Variants in MRM1 observed in about 807,000 individuals in gnomAD.
MRM1 encodes rRNA methyltransferase 1, mitochondrial.
A neutral mutation model predicts 25.0 loss-of-function variants in MRM1; 24 were observed. The observed-to-expected ratio is 0.96, with a 90% CI of 0.69 to 1.35. The LOEUF (loss-of-function observed/expected upper bound fraction) is 1.35. Among genes scored for constraint, MRM1 ranks in the 40% most tolerant of loss-of-function variants. The pLI is 0.00. For synonymous variants in MRM1, 188 were observed against 199.2 expected (o/e 0.94, Z 0.47); for missense variants, 431 against 464.1 (o/e 0.93, Z 0.65).
the MRM1 span, among the ~76,000 whole-genome samples, chr17:36,631,810 A>G: frequency 6.6e-6 from 1 of 152,152 alleles, no homozygotes; most frequent in Non-Finnish European, 1.5e-5. Flanking sequence ...GAAGAAATAA[A>G]TCTTTCTCAG....
the MRM1 span, among the ~76,000 whole-genome samples, chr17:36,630,383 G>A: frequency 6.6e-6 from 1 of 152,156 alleles, no homozygotes; most frequent in South Asian, 2.1e-4. Context: ...TGCATGCCTT[G>A]GAGCTGGGCC....
At chr17:36,619,646 C>T in the MRM1 span, among the ~76,000 whole-genome samples, 3 of 150,500 alleles carry the variant, frequency 2.0e-5, no homozygotes, top group Non-Finnish European at 4.4e-5. Context: ...CTAGCCTGGG[C>T]GACAGAGTGA....
downstream of MRM1, among the ~76,000 whole-genome samples, chr17:36,613,225 TAGAC>T (rs1443912578): frequency 2.0e-5 from 3 of 151,884 alleles, no homozygotes; most frequent in African/African-American, 7.3e-5. Flanking sequence ...GGTCCTGAAT[TAGAC>T]AGCACACCTC....
the MRM1 span, among the ~76,000 whole-genome samples, chr17:36,632,942 G>A: frequency 6.6e-6 from 1 of 152,216 alleles, no homozygotes; most frequent in Non-Finnish European, 1.5e-5. Context: ...TGAATAGGCT[G>A]CTTTCCTAGA....
chr17:36,601,977 C>T lies in MRM1; in HGVS notation c.167C>T (p.Thr56Ile). The T allele has an allele frequency of 6.2e-7, 1 of 1,612,322 alleles. No individual in the cohort carries two copies. Among genetic ancestry groups the T allele is most frequent in the Non-Finnish European group, 8.5e-7 (1 of 1,179,670 alleles). Reference sequence around the variant, plus strand: ...CGGCTGGAGCTTCTGTTTGGCATGACCCCGTGTCTCCTGGCTCTGCAGGCC... The same window carrying T: ...CGGCTGGAGCTTCTGTTTGGCATGATCCCGTGTCTCCTGGCTCTGCAGGCC... The part of the protein sequence containing the change: ...TSRLELLFGM[T>I]PCLLALQAAR... The change falls in exon 1 of 5, where the codon ACC becomes ATC. Residue 56 changes from threonine (T) to isoleucine (I), a missense_variant. By Grantham distance (89) the Thr-to-Ile change is moderately conservative. Coordinates refer to ENST00000614766, the MANE Select transcript of MRM1 (RefSeq NM_024864.5).
the MRM1 span, among the ~76,000 whole-genome samples, chr17:36,621,829 G>A: frequency 6.6e-6 from 1 of 152,096 alleles, no homozygotes; most frequent in African/African-American, 2.4e-5. Flanking sequence ...ACTGATTTCT[G>A]GGGAGGGAGT....
At chr17:36,616,843 C>A in the MRM1 span, among the ~76,000 whole-genome samples, 9 of 152,154 alleles carry the variant, frequency 5.9e-5, no homozygotes, top group Non-Finnish European at 1.3e-4. Context: ...GATCCTCCCA[C>A]CTCAGCCTCC....
chr17:36,607,674 A>C lies in MRM1; in HGVS notation c.641A>C (p.Lys214Thr), dbSNP rs1330891054. The C allele has an allele frequency of 5.6e-6, 9 of 1,611,976 alleles. No homozygotes were observed. Among genetic ancestry groups the C allele is most frequent in the Middle Eastern group, 1.6e-4 (1 of 6,068 alleles). ...TDDLTGFLQT[K>T]AQQGWLVAGT... ...ATATCTTCTTCCCCCTTTCAGACCA[A>C]AGCCCAGCAGGGCTGGCTCGTGGCC... Residue 214 changes from lysine to threonine, a missense_variant, in exon 3 of 5, where the codon AAA (lysine) becomes ACA (threonine). Coordinates refer to ENST00000614766, the MANE Select transcript of MRM1 (RefSeq NM_024864.5).
At chr17:36,633,623 G>A in the MRM1 span, among the ~76,000 whole-genome samples, 1 of 151,216 alleles carries the variant, frequency 6.6e-6, no homozygotes, top group Non-Finnish European at 1.5e-5. Context: ...GAGGAGGAAA[G>A]AGCAGGAAAA....
At chr17:36,627,107 G>A in the MRM1 span, among the ~76,000 whole-genome samples, 1 of 152,192 alleles carries the variant, frequency 6.6e-6, no homozygotes, top group Non-Finnish European at 1.5e-5. Context: ...TGTGCTCCAG[G>A]ATGGACCCCC....
chr17:36,609,171 G>A (rs2074958741), downstream of MRM1, among the ~76,000 whole-genome samples: 1 of 152,216 alleles, frequency 6.6e-6, no homozygotes, highest in South Asian at 2.1e-4. Flanking sequence ...ACTGGGAGCA[G>A]GCTTGCCGTT....
At chr17:36,609,696 G>T (rs1483092319), downstream of MRM1, among the ~76,000 whole-genome samples, 1 of 152,180 alleles carries the variant, frequency 6.6e-6, no homozygotes, top group African/African-American at 2.4e-5. Flanking sequence ...GTGACCTTGG[G>T]GGGGCGCTCC....
the MRM1 span, among the ~76,000 whole-genome samples, chr17:36,633,761 C>T: frequency 2.3e-3 from 351 of 152,260 alleles, 3 homozygotes; most frequent in African/African-American, 8.1e-3. Flanking sequence ...TCCCCGATAG[C>T]AGCAGGAATG....
chr17:36,633,965 C>G, the MRM1 span: 1 of 152,414 alleles, frequency 6.6e-6, no homozygotes, highest in Admixed American at 6.5e-5. Flanking sequence ...TGATGTTTGT[C>G]CCTTCTCACT....
intron 2 of MRM1, chr17:36,603,345 T>A: frequency 3.5e-6 from 1 of 286,244 alleles, no homozygotes; most frequent in Non-Finnish European, 5.2e-6. Context: ...TTTAAATAAA[T>A]TGTGTCCAGT....
intron 2 of MRM1, among the ~76,000 whole-genome samples, chr17:36,607,319 T>A (rs1024767338): frequency 9.2e-5 from 14 of 152,168 alleles, no homozygotes; most frequent in African/African-American, 3.1e-4. Context: ...TGATGAAGAT[T>A]TGATGAATTA....
chr17:36,603,092 T>C, intron 2 of MRM1: 1 of 985,384 alleles, frequency 1.0e-6, no homozygotes, highest in African/African-American at 1.7e-5. Context: ...TCCCATCCGT[T>C]TGTCTTCAGC....
At chr17:36,615,046 A>G in the MRM1 span, among the ~76,000 whole-genome samples, 1 of 152,208 alleles carries the variant, frequency 6.6e-6, no homozygotes, top group African/African-American at 2.4e-5. Flanking sequence ...AATCAGGACC[A>G]GGAGATTTCT....
the MRM1 span, among the ~76,000 whole-genome samples, chr17:36,629,887 A>C: frequency 6.2e-3 from 949 of 152,262 alleles, 9 homozygotes; most frequent in African/African-American, 0.022. Flanking sequence ...CCCTTGGACA[A>C]GGGGGCTGGG....
Sources: gnomAD v4.1 joint callset for allele counts (sites outside exome capture counted in the v4.1 genomes callset) on GRCh38, gnomAD v4.1.1 for gene constraint, MANE v1.5 for transcripts, NCBI Gene and HGNC (gene_info 2026-07-23, HGNC 2026-07-21) for gene names.